KYAT3: variants seen among roughly 807,000 people sequenced by gnomAD.
The protein encoded by KYAT3 is kynurenine--oxoglutarate transaminase 3.
KYAT3 carries 50 observed loss-of-function variants against 59.0 expected under a neutral mutation model. The observed-to-expected ratio is 0.85, with a 90% CI of 0.68 to 1.07. KYAT3 has a LOEUF of 1.07. KYAT3 is among the 50% of genes least tolerant of loss of function. The pLI is 0.00. For missense variants in KYAT3, 497 were observed against 533.3 expected, an observed-to-expected ratio of 0.93 and a Z score of 0.67; for synonymous variants, 148 against 177.0, an observed-to-expected ratio of 0.84 and a Z score of 1.30.
chr1:88,921,480 A>T, the KYAT3 span, among the ~76,000 whole-genome samples: 1 of 152,198 alleles, frequency 6.6e-6, no homozygotes, highest in Admixed American at 6.5e-5. Flanking sequence ...TCTCTATTCC[A>T]TAAAAGATCT....
chr1:88,947,944 T>C (rs1018827109), intron 11 of KYAT3, among the ~76,000 whole-genome samples: 1 of 151,962 alleles, frequency 6.6e-6, no homozygotes, highest in East Asian at 1.9e-4. Flanking sequence ...ATTTAAAAAT[T>C]AGCTAGGTGT....
At chr1:88,940,521 G>C (rs1675197404) in intron 13 of KYAT3, among the ~76,000 whole-genome samples, 1 of 151,750 alleles carries the variant, frequency 6.6e-6, no homozygotes, top group Non-Finnish European at 1.5e-5. Context: ...GTATAAGGGA[G>C]AAGCTGGGGC....
chr1:88,947,022 C>T lies in KYAT3; in HGVS notation c.1141+2069G>A, dbSNP rs1675469965. ...TTAGTCACCCTTGACACAATTTCCACTTCTCTTCCTCCTCACAGTTCCTCA... is the reference window on the plus strand; with the variant it reads ...TTAGTCACCCTTGACACAATTTCCATTTCTCTTCCTCCTCACAGTTCCTCA... On this transcript the variant is annotated intron_variant, in intron 11 of 13. Coordinates refer to ENST00000260508, the MANE Select transcript of KYAT3 (RefSeq NM_001008661.3). Among the ~76,000 whole-genome samples, 5 of 152,290 alleles carry T rather than the reference C, an allele frequency of 3.3e-5. 1 individual carries two copies. In the South Asian group the frequency reaches 1.0e-3, roughly 32 times the overall value.
intron 2 of KYAT3, among the ~76,000 whole-genome samples, chr1:88,986,636 A>G: frequency 6.6e-6 from 1 of 152,226 alleles, no homozygotes; most frequent in South Asian, 2.1e-4. Context: ...AAATTAGAGA[A>G]TATGTAAAAT....
At chr1:88,984,602 G>C (rs918395444) in intron 2 of KYAT3, among the ~76,000 whole-genome samples, 1 of 152,198 alleles carries the variant, frequency 6.6e-6, no homozygotes, top group Non-Finnish European at 1.5e-5. Flanking sequence ...AACATCTGTT[G>C]ACTGAACAGA....
At chr1:88,989,491 A>T (rs1222787340) in intron 1 of KYAT3, among the ~76,000 whole-genome samples, 2 of 152,172 alleles carry the variant, frequency 1.3e-5, no homozygotes, top group African/African-American at 4.8e-5. Flanking sequence ...AGTAGCGGGA[A>T]CCCTCTAACG....
At chr1:88,943,958 T>C (rs1675341073) in intron 11 of KYAT3, among the ~76,000 whole-genome samples, 1 of 151,246 alleles carries the variant, frequency 6.6e-6, no homozygotes, top group East Asian at 1.9e-4. Context: ...TTATGCATTA[T>C]TTATAAATAC....
chr1:88,938,789 G>C (rs1557678443), intron 13 of KYAT3, among the ~76,000 whole-genome samples: 1 of 152,154 alleles, frequency 6.6e-6, no homozygotes, highest in Non-Finnish European at 1.5e-5. Context: ...TGACAGCATT[G>C]ATGGGCATTT....
At chr1:88,987,722 T>C (rs1677545831) in intron 2 of KYAT3, among the ~76,000 whole-genome samples, 1 of 152,222 alleles carries the variant, frequency 6.6e-6, no homozygotes, top group Admixed American at 6.5e-5. Flanking sequence ...CTTGGCATAT[T>C]ATCTAAAAAA....
intron 11 of KYAT3, among the ~76,000 whole-genome samples, chr1:88,946,269 C>G (rs1241179422): frequency 6.6e-6 from 1 of 151,980 alleles, no homozygotes; most frequent in Non-Finnish European, 1.5e-5. Flanking sequence ...AATTACAATA[C>G]TATGTGAACC....
intron 2 of KYAT3, among the ~76,000 whole-genome samples, chr1:88,978,096 A>T (rs907893892): frequency 1.3e-5 from 2 of 152,028 alleles, no homozygotes; most frequent in African/African-American, 4.8e-5. Context: ...GTATATATGT[A>T]TATAATATAC....
intron 9 of KYAT3, among the ~76,000 whole-genome samples, chr1:88,954,866 A>T (rs1302297289): frequency 2.0e-5 from 3 of 152,190 alleles, no homozygotes; most frequent in African/African-American, 7.2e-5. Flanking sequence ...AGCGCAAGTG[A>T]TCCTCCCATT....
chr1:88,942,905 T>C (rs10158187), intron 13 of KYAT3, 100 bp downstream of exon 13: 12,255 of 915,942 alleles, frequency 0.013, 577 homozygotes, highest in African/African-American at 0.12. Flanking sequence ...ATTTAAAAAC[T>C]GCATATGAGC....
Position 88,961,593 on chromosome 1 carries a change from A to G in KYAT3, c.541-87T>C, listed in dbSNP as rs1307308501. 3.3e-6 allele frequency: 4 copies of G among 1,195,020 alleles called. No homozygotes were observed. In the African/African-American group the frequency reaches 4.6e-5, roughly 14 times the overall value. The allele number at this position is 1,195,020 out of a possible 1,614,324, so 74.0% of individuals were successfully genotyped here. A position where few individuals can be genotyped will look rare whatever the true frequency, so the allele number is the denominator to read the frequency against. ...CGAATAACCTAATAAGGAAAAAAACATCAAAGAAAGTCATGGCAAAGGAAA... is the reference window on the plus strand; with the variant it reads ...CGAATAACCTAATAAGGAAAAAAACGTCAAAGAAAGTCATGGCAAAGGAAA... On this transcript the variant is annotated intron_variant, in intron 6 of 13. Coordinates refer to ENST00000260508, the MANE Select transcript of KYAT3 (RefSeq NM_001008661.3).
chr1:88,953,016 C>T, intron 10 of KYAT3, 47 bp downstream of exon 10: 2 of 1,171,234 alleles, frequency 1.7e-6, no homozygotes, highest in Non-Finnish European at 2.6e-6. Flanking sequence ...AAAGTAATAC[C>T]TTCACCAAAA....
At chr1:88,926,058 T>C in the KYAT3 span, among the ~76,000 whole-genome samples, 16 of 152,272 alleles carry the variant, frequency 1.1e-4, no homozygotes, top group East Asian at 2.9e-3. Flanking sequence ...AGCAACTGCT[T>C]TGCTAACAGA....
intron 4 of KYAT3, among the ~76,000 whole-genome samples, chr1:88,968,147 T>A (rs994539163): frequency 3.3e-5 from 5 of 152,050 alleles, no homozygotes; most frequent in Non-Finnish European, 7.4e-5. Flanking sequence ...TCCCACAATA[T>A]CATAAAAGGA....
chr1:88,926,727 T>C, the KYAT3 span, among the ~76,000 whole-genome samples: 1 of 152,182 alleles, frequency 6.6e-6, no homozygotes, highest in Non-Finnish European at 1.5e-5. Context: ...GCCTAATAAT[T>C]GGTCTCCTCA....
chr1:88,988,232 TG>T lies in KYAT3; in HGVS notation c.99+19del. ...TGCAGAATATGTACAATAATTTATC[TG>T]TAAGTAAGCAATACCTACAGCAGAA... On this transcript the variant is annotated intron_variant, in intron 2 of 13. Coordinates refer to ENST00000260508, the MANE Select transcript of KYAT3 (RefSeq NM_001008661.3). 6 of 1,524,854 alleles carry T rather than the reference TG, an allele frequency of 3.9e-6. No homozygotes were observed. Among genetic ancestry groups the T allele is most frequent in the Non-Finnish European group, 5.4e-6 (6 of 1,103,690 alleles). 94.5% of individuals were successfully genotyped at this position (1,524,854 alleles called of 1,614,324 possible).
Sources: gnomAD v4.1 joint callset for allele counts (sites outside exome capture counted in the v4.1 genomes callset) on GRCh38, gnomAD v4.1.1 for gene constraint, MANE v1.5 for transcripts, NCBI Gene and HGNC (gene_info 2026-07-23, HGNC 2026-07-21) for gene names.